The following DNM3 variants were observed in gnomAD, a reference collection of about 807,000 sequenced individuals.
DNM3 encodes dynamin 3, also known as dynamin-3.
In DNM3, 47 loss-of-function variants were observed where a neutral mutation model predicts 101.6. That is an observed-to-expected ratio of 0.46 (90% CI 0.37 to 0.59). The LOEUF is 0.59. Ranked by LOEUF, DNM3 falls within the 20% of genes least tolerant of loss-of-function variation. The pLI is 0.00. For missense variants in DNM3, 849 were observed against 1,085.7 expected (o/e 0.78, Z 3.06); for synonymous variants, 385 against 387.9 (o/e 0.99, Z 0.09).
chr1:172,109,568 C>T (rs781159097), intron 13 of DNM3, among the ~76,000 whole-genome samples: 7 of 152,078 alleles, frequency 4.6e-5, no homozygotes, highest in African/African-American at 1.2e-4. Context: ...CACTGATTTC[C>T]GGTGCATGCA....
chr1:172,016,299 T>C (rs1302897672), intron 4 of DNM3, among the ~76,000 whole-genome samples: 1 of 152,210 alleles, frequency 6.6e-6, no homozygotes, highest in African/African-American at 2.4e-5. Context: ...TGCTGAGATT[T>C]AAAAAATTAT....
At chr1:172,314,310 G>A (rs191214323) in intron 16 of DNM3, among the ~76,000 whole-genome samples, 23 of 152,308 alleles carry the variant, frequency 1.5e-4, no homozygotes, top group African/African-American at 3.6e-4. Context: ...CGTGAGCAAC[G>A]CAGAAGACGG....
At chr1:172,175,716 C>T (rs1025397646) in intron 14 of DNM3, among the ~76,000 whole-genome samples, 9 of 151,740 alleles carry the variant, frequency 5.9e-5, no homozygotes, top group African/African-American at 9.7e-5. Flanking sequence ...AAATTTCACA[C>T]GATCAAATGT....
At chr1:172,274,197 C>T (rs1478214774) in intron 15 of DNM3, among the ~76,000 whole-genome samples, 3 of 151,960 alleles carry the variant, frequency 2.0e-5, no homozygotes, top group African/African-American at 4.8e-5. Flanking sequence ...ATATAAAAAC[C>T]GAAACAGTGA....
At chr1:172,224,066 A>T (rs1415954887) in intron 14 of DNM3, among the ~76,000 whole-genome samples, 1 of 152,160 alleles carries the variant, frequency 6.6e-6, no homozygotes, top group African/African-American at 2.4e-5. Context: ...GACCAGTAAT[A>T]CCTTCTCCCT....
At chr1:172,028,446 A>C (rs10910938) in intron 4 of DNM3, among the ~76,000 whole-genome samples, 42,748 of 152,124 alleles carry the variant, frequency 0.28, 6,334 homozygotes, top group East Asian at 0.53. Context: ...ATAGCACTAA[A>C]TGCCCACAGG....
intron 20 of DNM3, among the ~76,000 whole-genome samples, chr1:172,389,841 G>A (rs547220946): frequency 1.3e-5 from 2 of 152,324 alleles, no homozygotes; most frequent in East Asian, 1.9e-4. Flanking sequence ...ATGAAGAGAA[G>A]AGAAGAAGGG....
chr1:172,227,422 C>T (rs1021936654), intron 14 of DNM3, among the ~76,000 whole-genome samples: 8 of 151,590 alleles, frequency 5.3e-5, no homozygotes, highest in Admixed American at 1.3e-4. Flanking sequence ...GATACAGTAA[C>T]TTCTCCTTTG....
intron 2 of DNM3, among the ~76,000 whole-genome samples, chr1:171,969,424 C>T (rs796359095): frequency 5.9e-5 from 9 of 152,192 alleles, no homozygotes; most frequent in African/African-American, 1.2e-4. Context: ...AGTGGGAACA[C>T]GAGGGGCTGA....
rs115745820 is a variant in DNM3, at chr1:171,991,420, G to A, written c.589+2272G>A. ...TGTGTTCTATTAATTTGCTAGAGGG[G>A]CTCACAAAACTCGGAGAAACAGTTC... On this transcript the variant is annotated intron_variant, in intron 4 of 20. Coordinates refer to ENST00000627582, the MANE Select transcript of DNM3 (RefSeq NM_015569.5). 9.8e-3 allele frequency among the ~76,000 whole-genome samples: 1,497 copies of A among 152,128 alleles called. 26 individuals carry two copies. The highest frequency in any genetic ancestry group is 0.033 in the African/African-American group (1,356 of 41,504).
At chr1:172,134,586 T>A (rs563079997) in intron 14 of DNM3, among the ~76,000 whole-genome samples, 123 of 152,320 alleles carry the variant, frequency 8.1e-4, no homozygotes, top group African/African-American at 2.8e-3. Flanking sequence ...ACTTGTTATG[T>A]ACCAGGCACT....
chr1:172,382,286 T>G (rs1233601919), intron 18 of DNM3, among the ~76,000 whole-genome samples: 1 of 152,108 alleles, frequency 6.6e-6, no homozygotes, highest in Non-Finnish European at 1.5e-5. Flanking sequence ...AACACACACA[T>G]AACACCCCAT....
At chr1:172,075,135 T>C (rs1404595202) in intron 11 of DNM3, among the ~76,000 whole-genome samples, 1 of 151,012 alleles carries the variant, frequency 6.6e-6, no homozygotes, top group Non-Finnish European at 1.5e-5. Context: ...GAAGTGTCTG[T>C]TCATATCCTT....
chr1:171,859,894 A>G (rs2033994905), intron 1 of DNM3, among the ~76,000 whole-genome samples: 1 of 152,144 alleles, frequency 6.6e-6, no homozygotes, highest in African/African-American at 2.4e-5. Flanking sequence ...GTATGTGCTA[A>G]GACTTCGAGG....
intron 10 of DNM3, among the ~76,000 whole-genome samples, chr1:172,049,270 C>T (rs115651843): frequency 6.6e-6 from 1 of 152,280 alleles, no homozygotes; most frequent in Non-Finnish European, 1.5e-5. Flanking sequence ...TGACCTTGGG[C>T]TTAACCTCTC....
intron 14 of DNM3, chr1:172,144,880 C>T (rs2057792854): frequency 3.8e-6 from 1 of 261,632 alleles, no homozygotes; most frequent in African/African-American, 2.3e-5. Context: ...TGATGTCACC[C>T]TGGGGAGGTT....
intron 15 of DNM3, among the ~76,000 whole-genome samples, chr1:172,264,148 T>C (rs922250084): frequency 7.9e-5 from 12 of 152,206 alleles, no homozygotes; most frequent in African/African-American, 2.7e-4. Flanking sequence ...AAAGACTACT[T>C]CAAATGGGAA....
At chr1:172,349,971 G>C (rs2067123588) in intron 17 of DNM3, among the ~76,000 whole-genome samples, 1 of 152,166 alleles carries the variant, frequency 6.6e-6, no homozygotes, top group African/African-American at 2.4e-5. Flanking sequence ...AGAAGAAGCA[G>C]AAGGAGAGTC....
chr1:172,230,616 C>A (rs2061298538), intron 14 of DNM3, among the ~76,000 whole-genome samples: 1 of 152,054 alleles, frequency 6.6e-6, no homozygotes, highest in South Asian at 2.1e-4. Flanking sequence ...TATTTTCTTA[C>A]TTACCGTTTC....
Sources: gnomAD v4.1 joint callset for allele counts (sites outside exome capture counted in the v4.1 genomes callset) on GRCh38, gnomAD v4.1.1 for gene constraint, MANE v1.5 for transcripts, NCBI Gene and HGNC (gene_info 2026-07-23, HGNC 2026-07-21) for gene names.